SGF29: variants seen among roughly 807,000 people sequenced by gnomAD.
The protein encoded by SGF29 is SAGA-associated factor 29.
SGF29 carries 15 observed loss-of-function variants against 38.1 expected under a neutral mutation model. The observed-to-expected ratio is 0.39, with a 90% confidence interval of 0.26 to 0.61. SGF29 has a LOEUF of 0.61. Among genes scored for constraint, SGF29 ranks in the 20% least tolerant of loss-of-function variants. The pLI is 0.49. For synonymous variants in SGF29, 151 were observed against 160.8 expected (o/e 0.94, Z 0.46); for missense variants, 184 against 394.6 (o/e 0.47, Z 4.52).
chr16:28,568,349 G>A (rs888504586), intron 1 of SGF29, among the ~76,000 whole-genome samples: 3 of 148,528 alleles, frequency 2.0e-5, no homozygotes, highest in African/African-American at 7.4e-5. Context: ...TTGTTTGACA[G>A]GAATTCTCGT....
At chr16:28,583,805 A>G (rs978867224) in intron 2 of SGF29, among the ~76,000 whole-genome samples, 8 of 152,140 alleles carry the variant, frequency 5.3e-5, no homozygotes, top group Non-Finnish European at 1.0e-4. Flanking sequence ...TAAATTTTGA[A>G]ATTGGGAAGT....
chr16:28,578,932 ACT>A (rs919487705), intron 1 of SGF29, among the ~76,000 whole-genome samples: 1 of 151,806 alleles, frequency 6.6e-6, no homozygotes, highest in African/African-American at 2.4e-5. Context: ...ACAGAGCAAG[ACT>A]CTATCTCAAA....
Position 28,590,172 on chromosome 16 carries a change from G to A in SGF29, c.366G>A (p.Leu122=). The change falls in exon 6 of 10, where the codon CTG becomes CTA. Residue 122 remains leucine, a synonymous_variant. Transcript: ENST00000317058. This position sits in a 1 kb window ranked among gnomAD's most constrained non-coding sequence, Gnocchi z 8.2. ...KTMRRGVLMT[L]LQQSAMTLPL... Reference sequence around the variant, plus strand: ...TGCGCAGAGGGGTGCTGATGACCCTGCTGCAGCAGTCGGCCATGACCCTGC... The same window carrying A: ...TGCGCAGAGGGGTGCTGATGACCCTACTGCAGCAGTCGGCCATGACCCTGC... The A allele has an allele frequency of 6.2e-7, 1 of 1,611,166 alleles. No homozygotes were observed. Among genetic ancestry groups the A allele is most frequent in the South Asian group, 1.1e-5 (1 of 90,266 alleles).
chr16:28,585,998 CA>C (rs2046954269), intron 4 of SGF29, among the ~76,000 whole-genome samples: 1 of 152,278 alleles, frequency 6.6e-6, no homozygotes, highest in African/African-American at 2.4e-5. Flanking sequence ...ATAGGGATAT[CA>C]GGGGCTGGGT....
chr16:28,573,361 G>A (rs921331827), intron 1 of SGF29, among the ~76,000 whole-genome samples: 13 of 152,176 alleles, frequency 8.5e-5, no homozygotes, highest in African/African-American at 2.7e-4. Flanking sequence ...CACATCGGAA[G>A]CAGCAGAGAG....
At chr16:28,576,875 C>T (rs1481117180) in intron 1 of SGF29, among the ~76,000 whole-genome samples, 2 of 151,852 alleles carry the variant, frequency 1.3e-5, no homozygotes, top group African/African-American at 4.8e-5. Flanking sequence ...AAAGCACAGG[C>T]CTGGCATGGT....
Position 28,590,632 on chromosome 16 carries a change from T to G in SGF29, c.568T>G (p.Tyr190Asp). The change falls in exon 8 of 10, where the codon TAT becomes GAT. Residue 190 changes from tyrosine (Y) to aspartate (D), a missense_variant and splice_region_variant. Tyr to Asp is a radical substitution (Grantham distance 160, BLOSUM62 -3). Coordinates refer to ENST00000317058, the MANE Select transcript of SGF29 (RefSeq NM_138414.3). The surrounding 1 kb of genome is among the most constrained non-coding windows in gnomAD (Gnocchi z 8.2). ...GCCTTTTCCTCCTTTTGTCTGCAGG[T>G]ATGAGGTAGATGACATCGATGAAGA... ...VVSYSHATNK[Y>D]EVDDIDEEGK... The G allele has an allele frequency of 2.5e-6, 4 of 1,613,640 alleles. No individual in the cohort carries two copies. The highest frequency in any genetic ancestry group is 3.4e-6 in the Non-Finnish European group (4 of 1,179,970).
chr16:28,564,501 C>G (rs775203482), intron 1 of SGF29, among the ~76,000 whole-genome samples: 1 of 136,070 alleles, frequency 7.3e-6, no homozygotes, highest in African/African-American at 2.7e-5. Context: ...GGACAGAACT[C>G]TGTGTGTGTA....
intron 1 of SGF29, among the ~76,000 whole-genome samples, chr16:28,564,666 C>CATATATGTATATATATGT (rs1555474841): frequency 1.6e-5 from 1 of 61,590 alleles, no homozygotes; most frequent in Non-Finnish European, 3.6e-5. Flanking sequence ...TATATATATG[C>CATATATGTATATATATGT]ATATATATGT....
rs189381597 is a variant in SGF29 at position 28,572,827 on chromosome 16, G to T, written c.-15-8228G>T. ...CCAGTGCTAGAGCCTGTCTCTCGCT[G>T]CGCCTGCCTCCTCTCACACAGCCCC... On this transcript the variant is annotated intron_variant, in intron 1 of 9. Coordinates refer to ENST00000317058, the MANE Select transcript of SGF29 (RefSeq NM_138414.3). Among the ~76,000 whole-genome samples the T allele has an allele frequency of 7.8e-3, 1,183 of 152,134 alleles. 6 individuals are homozygous for T. The highest frequency in any genetic ancestry group is 0.012 in the Non-Finnish European group (784 of 67,986).
intron 2 of SGF29, among the ~76,000 whole-genome samples, chr16:28,583,395 C>T (rs530649297): frequency 5.3e-5 from 8 of 152,306 alleles, no homozygotes; most frequent in African/African-American, 1.7e-4. Context: ...CCCCCCCAAC[C>T]CCAATCCATT....
chr16:28,564,079 G>T (rs1021682851), intron 1 of SGF29, among the ~76,000 whole-genome samples: 3 of 152,084 alleles, frequency 2.0e-5, no homozygotes, highest in African/African-American at 7.2e-5. Context: ...AACCACATGA[G>T]ACAGTGAGAC....
At chr16:28,559,289 C>T (rs1327314949) in intron 1 of SGF29, among the ~76,000 whole-genome samples, 1 of 152,178 alleles carries the variant, frequency 6.6e-6, no homozygotes, top group Non-Finnish European at 1.5e-5. Context: ...CACTTCACTC[C>T]AGCCTGGGCA....
At chr16:28,570,499 C>G (rs1447197663) in intron 1 of SGF29, among the ~76,000 whole-genome samples, 4 of 152,064 alleles carry the variant, frequency 2.6e-5, no homozygotes, top group East Asian at 1.9e-4. Context: ...ATGAATTGTA[C>G]TTTGAGTCTC....
intron 1 of SGF29, among the ~76,000 whole-genome samples, chr16:28,577,430 A>G (rs1596603646): frequency 6.6e-6 from 1 of 151,844 alleles, no homozygotes. Flanking sequence ...CCAGCTTTCT[A>G]TGGATTCGGC....
chr16:28,563,076 T>G (rs1406829929), intron 1 of SGF29, among the ~76,000 whole-genome samples: 2 of 152,064 alleles, frequency 1.3e-5, no homozygotes, highest in African/African-American at 4.8e-5. Context: ...CACTTGAGGT[T>G]GTTGGGATTT....
chr16:28,554,348 G>C (rs1381806132), intron 1 of SGF29, among the ~76,000 whole-genome samples: 2 of 152,024 alleles, frequency 1.3e-5, no homozygotes, highest in Non-Finnish European at 2.9e-5. Flanking sequence ...TCCATCCCCG[G>C]CGAGGGTGGG....
intron 1 of SGF29, among the ~76,000 whole-genome samples, chr16:28,576,839 C>CA (rs2046897280): frequency 6.6e-6 from 1 of 151,934 alleles, no homozygotes; most frequent in African/African-American, 2.4e-5. Flanking sequence ...TATGATATAG[C>CA]AAAACAATGG....
intron 9 of SGF29, 130 bp from the exon 10 acceptor site, chr16:28,591,460 A>G: frequency 1.4e-6 from 1 of 712,930 alleles, no homozygotes. Flanking sequence ...TCTTGACCCC[A>G]GAGTGAAGGA....
Sources: allele counts gnomAD v4.1 joint callset (sites outside exome capture counted in the v4.1 genomes callset), GRCh38; gene constraint gnomAD v4.1.1; non-coding constraint Gnocchi (gnomAD v3.1); transcripts MANE v1.5; gene names NCBI Gene and HGNC (gene_info 2026-07-23, HGNC 2026-07-21).